G6PC3: variants seen among roughly 807,000 people sequenced by gnomAD.
The protein encoded by G6PC3 is glucose-6-phosphatase 3.
G6PC3 carries 30 observed loss-of-function variants against 38.6 expected under a neutral mutation model. That is an observed-to-expected ratio of 0.78 (90% confidence interval 0.58 to 1.05). The LOEUF is 1.05. Ranked by LOEUF, G6PC3 falls within the 50% of genes least tolerant of loss-of-function variation. The probability of loss-of-function intolerance (pLI) is 0.00; values close to 1 mark genes in which losing one functional copy is unlikely to be tolerated. For synonymous variants in G6PC3, 192 were observed against 178.1 expected, an observed-to-expected ratio of 1.08 and a Z score of -0.62; for missense variants, 377 against 443.1, an observed-to-expected ratio of 0.85 and a Z score of 1.34.
At position 44,075,300 on chromosome 17, in the gene G6PC3, ACT is replaced by A. The variant is rs780897995; in HGVS notation, c.536-6_536-5del. On this transcript the variant is annotated splice_polypyrimidine_tract_variant and splice_region_variant and intron_variant, in intron 4 of 5. Coordinates refer to ENST00000269097, the MANE Select transcript of G6PC3 (RefSeq NM_138387.4). Reference sequence around the variant, plus strand: ...GACTCCTTGAAGCTGTTGTCACTCCACTCTCCTAGGCGCTGTCCTGGGCTGGC... The same window carrying A: ...GACTCCTTGAAGCTGTTGTCACTCCACTCCTAGGCGCTGTCCTGGGCTGGC... 1.2e-6 allele frequency: 2 copies of A among 1,613,318 alleles called. No homozygotes were observed. Among genetic ancestry groups the A allele is most frequent in the East Asian group, 2.2e-5 (1 of 44,832 alleles).
chr17:44,074,371 C>T, intron 2 of G6PC3, 105 bp downstream of exon 2: 1 of 917,950 alleles, frequency 1.1e-6, no homozygotes, highest in Admixed American at 1.8e-5. Flanking sequence ...ACCAGCCTCT[C>T]AATTACTGGC....
Position 44,076,157 on chromosome 17 carries a change from T to A in G6PC3, c.*114T>A. The A allele has an allele frequency of 7.3e-7, 1 of 1,372,676 alleles. No individual in the cohort carries two copies. Among genetic ancestry groups the A allele is most frequent in the Non-Finnish European group, 1.0e-6 (1 of 975,020 alleles). 85.0% of individuals were successfully genotyped at this position (1,372,676 alleles called of 1,614,324 possible). A position where few individuals can be genotyped will look rare whatever the true frequency, so the allele number is the denominator to read the frequency against. Reference sequence around the variant, plus strand: ...GCCCCTAAGTAGGCCCTCCCCTCCCTAAATCTGCTTCCGCACCACCTGGTC... The same window carrying A: ...GCCCCTAAGTAGGCCCTCCCCTCCCAAAATCTGCTTCCGCACCACCTGGTC... On this transcript the variant is annotated 3_prime_UTR_variant, in exon 6 of 6. Coordinates refer to ENST00000269097, the MANE Select transcript of G6PC3 (RefSeq NM_138387.4).
Position 44,075,460 on chromosome 17 carries a change from C to T in G6PC3, c.677+9C>T, listed in dbSNP as rs770887459. 2.8e-5 allele frequency: 46 copies of T among 1,614,040 alleles called. No individual in the cohort carries two copies. Among genetic ancestry groups the T allele is most frequent in the African/African-American group, 4.0e-5 (3 of 74,904 alleles). On this transcript the variant is annotated intron_variant, in intron 5 of 5. Coordinates refer to ENST00000269097, the MANE Select transcript of G6PC3 (RefSeq NM_138387.4). ...GGCCTGGATCTTTCTTGGTAAGTCTCGCTTTGAAGCCTGGGCAGGCTGGGC... is the reference window on the plus strand; with the variant it reads ...GGCCTGGATCTTTCTTGGTAAGTCTTGCTTTGAAGCCTGGGCAGGCTGGGC...
In G6PC3 at chr17:44,075,062, C is replaced by G. The variant is rs2050059834; in HGVS notation, c.510C>G (p.His170Gln). 5.0e-6 allele frequency: 8 copies of G among 1,613,990 alleles called. No individual in the cohort carries two copies. Among genetic ancestry groups the G allele is most frequent in the Non-Finnish European group, 6.8e-6 (8 of 1,179,936 alleles). Residue 170 changes from histidine (H) to glutamine (Q), a missense_variant, in exon 4 of 6, where the codon CAC becomes CAG. Coordinates refer to ENST00000269097, the MANE Select transcript of G6PC3 (RefSeq NM_138387.4). Reference sequence around the variant, plus strand: ...TCTTCATCTTAGCACATTTCCCTCACCAGGTGCTGGCTGGCCTAATAACTG... The same window carrying G: ...TCTTCATCTTAGCACATTTCCCTCAGCAGGTGCTGGCTGGCCTAATAACTG... ...SRIFILAHFP[H>Q]QVLAGLITGA...
Position 44,070,979 on chromosome 17 carries a change from T to G in G6PC3, c.14T>G (p.Leu5Arg). Residue 5 changes from leucine (L) to arginine (R), a missense_variant, in exon 1 of 6, where the codon CTG (leucine) becomes CGG (arginine). Leu to Arg is a moderately radical substitution (Grantham distance 102). Coordinates refer to ENST00000269097, the MANE Select transcript of G6PC3 (RefSeq NM_138387.4). MEST[L>R]GAGIVIAEAL... is the part of the protein sequence containing the mutation. ...AGCTGGGCCGCCATGGAGTCCACGCTGGGCGCGGGCATCGTGATAGCCGAG... is the reference window on the plus strand; with the variant it reads ...AGCTGGGCCGCCATGGAGTCCACGCGGGGCGCGGGCATCGTGATAGCCGAG... 3 of 1,553,604 alleles carry G rather than the reference T, an allele frequency of 1.9e-6. No homozygotes were observed. The highest frequency in any genetic ancestry group is 8.7e-7 in the Non-Finnish European group (1 of 1,148,200).
chr17:44,073,480 G>T (rs186154863), intron 1 of G6PC3: 1 of 152,216 alleles, frequency 6.6e-6, no homozygotes, highest in Non-Finnish European at 1.5e-5. Flanking sequence ...TTCTTTTTTT[G>T]AGACAGGATC....
chr17:44,071,760 G>T (rs745611704), intron 1 of G6PC3: 12 of 614,378 alleles, frequency 2.0e-5, no homozygotes, highest in African/African-American at 3.8e-5. Context: ...AGACTCTCAG[G>T]CCCCGGGCCA....
chr17:44,071,342 G>C, intron 1 of G6PC3, 159 bp downstream of exon 1: 1 of 1,250,906 alleles, frequency 8.0e-7, no homozygotes, highest in Admixed American at 2.2e-5. Flanking sequence ...GTGCAGCTTG[G>C]ACTCAAACCT....
intron 5 of G6PC3, 36 bp from the exon 6 acceptor site, chr17:44,075,644 C>A: frequency 6.2e-7 from 1 of 1,607,378 alleles, no homozygotes; most frequent in South Asian, 1.1e-5. Flanking sequence ...CTTCTATGTT[C>A]CAGCCTCTCC....
intron 1 of G6PC3, chr17:44,073,570 TC>T: frequency 6.3e-6 from 1 of 159,264 alleles, no homozygotes; most frequent in Non-Finnish European, 1.4e-5. Flanking sequence ...AAGTGATCCT[TC>T]CCACTTCAGC....
rs986445402 is a variant in G6PC3, at chr17:44,071,750, AG to A, written c.218+568del. ...GCACTTGAAAACTGGCTAAAAACGCAGACTCTCAGGCCCCGGGCCAGAGCTA... is the reference window on the plus strand; with the variant it reads ...GCACTTGAAAACTGGCTAAAAACGCAACTCTCAGGCCCCGGGCCAGAGCTA... On this transcript the variant is annotated intron_variant, in intron 1 of 5. Transcript: ENST00000269097. The A allele has an allele frequency of 1.7e-5, 12 of 696,490 alleles. No homozygotes were observed. The Admixed American group carries it at 2.6e-4, about 15-fold the overall frequency. 43.1% of individuals were successfully genotyped at this position (696,490 alleles called of 1,614,324 possible). A position where few individuals can be genotyped will look rare whatever the true frequency, so the allele number is the denominator to read the frequency against.
intron 1 of G6PC3, chr17:44,071,820 C>T: frequency 2.2e-6 from 1 of 454,118 alleles, no homozygotes; most frequent in Non-Finnish European, 4.4e-6. Context: ...AGGTGATTCC[C>T]TGTGCGTATG....
chr17:44,074,057 T>G (rs2050028857), intron 1 of G6PC3, 103 bp from the exon 2 acceptor site: 1 of 813,626 alleles, frequency 1.2e-6, no homozygotes, highest in South Asian at 1.3e-5. Flanking sequence ...CCTTTTTGAC[T>G]TCACCCCTCA....
At position 44,076,127 on chromosome 17, in the gene G6PC3, T is replaced by C; in HGVS notation, c.*84T>C. 6.4e-7 allele frequency: 1 copy of C among 1,567,994 alleles called. No homozygotes were observed. The highest frequency in any genetic ancestry group is 8.7e-7 in the Non-Finnish European group (1 of 1,150,598). The stretch of plus-strand genomic sequence containing the variant: ...CACTCCAGGAGGCAGCCCCATCCCC[T>C]TCCAGCCCCTAAGTAGGCCCTCCCC... On this transcript the variant is annotated 3_prime_UTR_variant, in exon 6 of 6. Transcript: ENST00000269097.
At chr17:44,075,565 T>A in intron 5 of G6PC3, 114 bp downstream of exon 5, 1 of 1,598,052 alleles carries the variant, frequency 6.3e-7, no homozygotes. Flanking sequence ...CCTATTCACA[T>A]AGACCCTCAC....
At chr17:44,075,534 T>C (rs938882132) in intron 5 of G6PC3, 83 bp downstream of exon 5, 1 of 1,604,754 alleles carries the variant, frequency 6.2e-7, no homozygotes, top group Admixed American at 1.7e-5. Flanking sequence ...TGGTTCATTA[T>C]AGCTAAAAAA....
chr17:44,071,277 G>A, intron 1 of G6PC3, 94 bp downstream of exon 1: 1 of 1,540,524 alleles, frequency 6.5e-7, no homozygotes, highest in Non-Finnish European at 8.7e-7. Flanking sequence ...CTGTCTCAAG[G>A]GCCTTCCCAC....
chr17:44,074,277 T>G lies in G6PC3; in HGVS notation c.325+11T>G, dbSNP rs1567969240. ...GTGAGACTGGTCCAGGTGGGAAGCC[T>G]CAAACATTCTCCCTTTCCCAATGTG... On this transcript the variant is annotated intron_variant, in intron 2 of 5. Coordinates refer to ENST00000269097, the MANE Select transcript of G6PC3 (RefSeq NM_138387.4). 1.9e-6 allele frequency: 3 copies of G among 1,570,068 alleles called. No individual in the cohort carries two copies. In the South Asian group the frequency reaches 3.3e-5, roughly 17 times the overall value.
At chr17:44,071,291 TACTCTGTAGTC>T (rs1485359994) in intron 1 of G6PC3, 108 bp downstream of exon 1, 5 of 1,517,662 alleles carry the variant, frequency 3.3e-6, no homozygotes, top group Non-Finnish European at 4.4e-6. Flanking sequence ...TTCCCACCCC[TACTCTGTAGTC>T]CCTGATTTTT....
Sources: allele counts gnomAD v4.1 joint callset, GRCh38; gene constraint gnomAD v4.1.1; transcripts MANE v1.5; gene names NCBI Gene and HGNC (gene_info 2026-07-23, HGNC 2026-07-21).